Variants in HAPSTR1 observed in about 807,000 individuals in gnomAD.
The protein encoded by HAPSTR1 is HUWE1 associated protein modifying stress responses.
At chr16:9,120,291 T>C in the HAPSTR1 span, 2 of 152,238 alleles carry the variant, frequency 1.3e-5, no homozygotes, top group Admixed American at 6.5e-5. Flanking sequence ...TTGTCGGCTT[T>C]GATGGTTTAG....
the HAPSTR1 span, among the ~76,000 whole-genome samples, chr16:9,097,750 A>G: frequency 1.3e-5 from 2 of 152,188 alleles, no homozygotes; most frequent in Non-Finnish European, 2.9e-5. Context: ...ATGTTGGCAG[A>G]ATGGCTTGTG....
At chr16:9,098,356 C>T in the HAPSTR1 span, among the ~76,000 whole-genome samples, 1 of 152,128 alleles carries the variant, frequency 6.6e-6, no homozygotes, top group African/African-American at 2.4e-5. Flanking sequence ...AATATTATCC[C>T]CCTGGTTCCT....
chr16:9,092,845 T>G, the HAPSTR1 span: 3 of 1,397,374 alleles, frequency 2.1e-6, no homozygotes, highest in Non-Finnish European at 2.9e-6. Context: ...AATAACATTC[T>G]TGTTCTCTTT....
At chr16:9,108,444 C>G in the HAPSTR1 span, 1 of 152,156 alleles carries the variant, frequency 6.6e-6, no homozygotes, top group Non-Finnish European at 1.5e-5. Context: ...CCTCGACCTT[C>G]CGAAGTGTTG....
chr16:9,114,604 TGAAGAGAGCAGGAAGG>T, the HAPSTR1 span, among the ~76,000 whole-genome samples: 1 of 151,942 alleles, frequency 6.6e-6, no homozygotes, highest in Non-Finnish European at 1.5e-5. Context: ...AAGGGTGAAG[TGAAGAGAGCAGGAAGG>T]GAAGAGAGAG....
chr16:9,093,217 G>C, the HAPSTR1 span, among the ~76,000 whole-genome samples: 1 of 152,112 alleles, frequency 6.6e-6, no homozygotes, highest in Admixed American at 6.6e-5. Context: ...GCCTGGGGAC[G>C]TTTTTGGTTG....
the HAPSTR1 span, among the ~76,000 whole-genome samples, chr16:9,092,471 A>G: frequency 1.3e-5 from 2 of 152,210 alleles, no homozygotes; most frequent in South Asian, 4.1e-4. Flanking sequence ...GGGACAGGCC[A>G]GAGCCGGCGT....
chr16:9,094,520 C>T, the HAPSTR1 span, among the ~76,000 whole-genome samples: 754 of 151,450 alleles, frequency 5.0e-3, 3 homozygotes, highest in African/African-American at 0.017. Flanking sequence ...ATATATCTAT[C>T]ACCCCCACCT....
the HAPSTR1 span, among the ~76,000 whole-genome samples, chr16:9,094,059 T>G: frequency 6.6e-6 from 1 of 152,272 alleles, no homozygotes; most frequent in African/African-American, 2.4e-5. Context: ...TGTCAAGTTG[T>G]TAATTTTTGC....
chr16:9,093,594 C>G, the HAPSTR1 span, among the ~76,000 whole-genome samples: 3 of 152,178 alleles, frequency 2.0e-5, no homozygotes, highest in Admixed American at 6.5e-5. Flanking sequence ...TCTTCTCTAG[C>G]AATTTGATCA....
the HAPSTR1 span, chr16:9,105,861 C>T: frequency 6.6e-6 from 1 of 152,158 alleles, no homozygotes; most frequent in South Asian, 2.1e-4. Flanking sequence ...AAACTCAGTT[C>T]CTCTTCATGT....
chr16:9,109,085 A>G, the HAPSTR1 span: 6 of 152,188 alleles, frequency 3.9e-5, no homozygotes, highest in African/African-American at 9.7e-5. Context: ...CAGCTATCAC[A>G]CTGGAGGGAT....
the HAPSTR1 span, among the ~76,000 whole-genome samples, chr16:9,114,765 G>A: frequency 6.6e-6 from 1 of 152,122 alleles, no homozygotes; most frequent in Non-Finnish European, 1.5e-5. Flanking sequence ...CACTTGGGTG[G>A]GAGTGCCAGC....
chr16:9,098,647 C>T, the HAPSTR1 span, among the ~76,000 whole-genome samples: 1 of 152,050 alleles, frequency 6.6e-6, no homozygotes, highest in East Asian at 1.9e-4. Flanking sequence ...ATAGTGAGAC[C>T]CTGCCTCTAC....
the HAPSTR1 span, chr16:9,103,158 C>A: frequency 2.5e-6 from 4 of 1,614,026 alleles, no homozygotes; most frequent in Admixed American, 5.0e-5. Context: ...AGAGCTCCCC[C>A]AAGACTGACT....
At chr16:9,112,039 T>C in the HAPSTR1 span, 1 of 152,260 alleles carries the variant, frequency 6.6e-6, no homozygotes, top group African/African-American at 2.4e-5. Context: ...GTGACACATG[T>C]ATCTTTGTAA....
the HAPSTR1 span, among the ~76,000 whole-genome samples, chr16:9,095,585 C>T: frequency 6.6e-6 from 1 of 151,846 alleles, no homozygotes; most frequent in Admixed American, 6.6e-5. Flanking sequence ...TTGATAACTA[C>T]CAAGAAGTTC....
the HAPSTR1 span, chr16:9,119,247 C>G: frequency 1.3e-5 from 2 of 152,226 alleles, no homozygotes; most frequent in Non-Finnish European, 2.9e-5. Context: ...GGAAAAACTT[C>G]TGACAGCTAG....
chr16:9,107,629 T>C, the HAPSTR1 span: 5 of 152,304 alleles, frequency 3.3e-5, no homozygotes, highest in African/African-American at 2.4e-5. Context: ...AAGACCCTTA[T>C]GATCCAGTCT....
Sources: gnomAD v4.1 joint callset for allele counts (sites outside exome capture counted in the v4.1 genomes callset) on GRCh38, gnomAD v4.1.1 for gene constraint, MANE v1.5 for transcripts, NCBI Gene and HGNC (gene_info 2026-07-23, HGNC 2026-07-21) for gene names.